The following MCOLN2 variants were observed in gnomAD, a reference collection of about 807,000 sequenced individuals.
The protein encoded by MCOLN2 is mucolipin TRP cation channel 2.
A neutral mutation model predicts 67.5 loss-of-function variants in MCOLN2; 57 were observed. That is an observed-to-expected ratio of 0.84 (90% CI 0.68 to 1.05). The LOEUF (loss-of-function observed/expected upper bound fraction) is 1.05, where lower values mean the gene tolerates loss of function less well. Ranked by LOEUF, MCOLN2 falls within the 50% of genes least tolerant of loss-of-function variation. MCOLN2 has a pLI of 0.00. For synonymous variants in MCOLN2, 246 were observed against 233.3 expected (o/e 1.05, Z -0.50); for missense variants, 620 against 678.8 (o/e 0.91, Z 0.96).
At chr1:84,954,064 C>T (rs182576133) in intron 4 of MCOLN2, among the ~76,000 whole-genome samples, 1 of 152,346 alleles carries the variant, frequency 6.6e-6, no homozygotes, top group Admixed American at 6.5e-5. Flanking sequence ...ATCCTTCCAA[C>T]TAGAGTATAA....
Position 84,938,004 on chromosome 1 carries a change from G to C in MCOLN2, c.1189C>G (p.Leu397Val). Residue 397 changes from leucine (L) to valine (V), a missense_variant, in exon 10 of 14, where the codon CTG (leucine) becomes GTG (valine). Coordinates refer to ENST00000370608, the MANE Select transcript of MCOLN2 (RefSeq NM_153259.4). Reference protein sequence around the residue: ...LLVWVGVIRYLGYFQAYNVLI... With the variant: ...LLVWVGVIRYVGYFQAYNVLI... The stretch of plus-strand genomic sequence containing the variant: ...ACATTATATGCCTGGAAATAACCCA[G>C]GTATCTGATGACTCCAACCCAAACC... 1 of 1,613,958 alleles carries C rather than the reference G, an allele frequency of 6.2e-7. No homozygotes were observed. The highest frequency in any genetic ancestry group is 1.1e-5 in the South Asian group (1 of 91,074).
chr1:84,951,476 C>T (rs567837994), intron 6 of MCOLN2, among the ~76,000 whole-genome samples: 2 of 152,250 alleles, frequency 1.3e-5, no homozygotes, highest in South Asian at 2.1e-4. Context: ...TATACATGCC[C>T]CCTCCCAAAA....
At position 84,931,485 on chromosome 1, in the gene MCOLN2, C is replaced by T; in HGVS notation, c.1419G>A (p.Gln473=). 6.2e-7 allele frequency: 1 copy of T among 1,614,000 alleles called. No homozygotes were observed. The highest frequency in any genetic ancestry group is 8.5e-7 in the Non-Finnish European group (1 of 1,179,938). The part of the protein sequence containing the change: ...DDMFATFAQI[Q]QKSILVWLFS... ...ACAGCCACACCAAGATGCTCTTCTG[C>T]TGGATTTGGGCAAAGGTTGCAAACA... The change falls in exon 12 of 14, where the codon CAG becomes CAA. Residue 473 remains glutamine, a synonymous_variant. Transcript: ENST00000370608.
chr1:84,952,526 A>G lies in MCOLN2; in HGVS notation c.570T>C (p.Cys190=), dbSNP rs770288061. ...AGAGGTCCTGAAGGTCTAATTGAACACAATCTAGGGCAATGAAAGAACAAG... is the reference window on the plus strand; with the variant it reads ...AGAGGTCCTGAAGGTCTAATTGAACGCAATCTAGGGCAATGAAAGAACAAG... The part of the protein sequence containing the change: ...LNIDNDVELD[C]VQLDLQDLSK... Residue 190 remains cysteine, a synonymous_variant, in exon 5 of 14, where the codon TGT becomes TGC. Coordinates refer to ENST00000370608, the MANE Select transcript of MCOLN2 (RefSeq NM_153259.4). 2 of 1,604,500 alleles carry G rather than the reference A, an allele frequency of 1.2e-6. No individual in the cohort carries two copies. Among genetic ancestry groups the G allele is most frequent in the African/African-American group, 1.3e-5 (1 of 74,840 alleles).
chr1:84,945,401 G>A (rs1465235320), intron 7 of MCOLN2, among the ~76,000 whole-genome samples: 1 of 152,182 alleles, frequency 6.6e-6, no homozygotes, highest in Admixed American at 6.5e-5. Flanking sequence ...TGTATGCTGG[G>A]GAATAGTAAC....
chr1:84,996,372 C>T (rs1331745305), intron 1 of MCOLN2, among the ~76,000 whole-genome samples: 1 of 135,906 alleles, frequency 7.4e-6, no homozygotes, highest in African/African-American at 2.8e-5. Flanking sequence ...GACACACACA[C>T]TTACACATAC....
At chr1:84,954,810 C>G (rs615161) in intron 4 of MCOLN2, among the ~76,000 whole-genome samples, 1 of 152,008 alleles carries the variant, frequency 6.6e-6, no homozygotes, top group Non-Finnish European at 1.5e-5. Flanking sequence ...ATGAACAAGA[C>G]AGACATGGTT....
At chr1:84,929,925 G>GTT (rs771724580) in intron 12 of MCOLN2, 1 of 233,836 alleles carries the variant, frequency 4.3e-6, no homozygotes, top group African/African-American at 2.5e-5. Flanking sequence ...CCAGGGAGAG[G>GTT]TTTTTTTTAA....
chr1:84,985,261 A>G (rs1650449666), intron 1 of MCOLN2, among the ~76,000 whole-genome samples: 1 of 152,056 alleles, frequency 6.6e-6, no homozygotes, highest in African/African-American at 2.4e-5. Flanking sequence ...TCTAATAAAC[A>G]CTTTTCAGGC....
intron 1 of MCOLN2, among the ~76,000 whole-genome samples, chr1:84,977,076 C>CA (rs1649289813): frequency 6.6e-6 from 1 of 151,526 alleles, no homozygotes; most frequent in African/African-American, 2.4e-5. Flanking sequence ...ATATAAACAA[C>CA]AAAAAGTTTA....
intron 1 of MCOLN2, among the ~76,000 whole-genome samples, chr1:84,972,284 G>T (rs1214645568): frequency 6.6e-6 from 1 of 152,118 alleles, no homozygotes; most frequent in Non-Finnish European, 1.5e-5. Context: ...TCATGCAATT[G>T]AAATTGCATG....
At chr1:84,975,530 C>T (rs1649952883) in intron 1 of MCOLN2, among the ~76,000 whole-genome samples, 1 of 152,164 alleles carries the variant, frequency 6.6e-6, no homozygotes, top group Non-Finnish European at 1.5e-5. Context: ...CAAGTCCTTT[C>T]AAATATCTGG....
intron 1 of MCOLN2, among the ~76,000 whole-genome samples, chr1:84,980,032 T>C (rs556220748): frequency 1.1e-4 from 17 of 151,990 alleles, no homozygotes; most frequent in African/African-American, 4.1e-4. Context: ...TGTGCAAGAG[T>C]AAGCAATCTG....
At chr1:84,948,175 AC>A (rs1341389838) in intron 6 of MCOLN2, among the ~76,000 whole-genome samples, 5 of 152,136 alleles carry the variant, frequency 3.3e-5, no homozygotes, top group Admixed American at 3.3e-4. Context: ...AATTGCCCCT[AC>A]CCAGTTGAAG....
intron 1 of MCOLN2, among the ~76,000 whole-genome samples, chr1:84,989,320 A>G (rs2102890911): frequency 6.6e-6 from 1 of 152,320 alleles, no homozygotes; most frequent in East Asian, 1.9e-4. Flanking sequence ...AGAAAGTCTA[A>G]AATATTAGTA....
At chr1:84,996,393 CAT>C (rs6143310) in intron 1 of MCOLN2, among the ~76,000 whole-genome samples, 4,698 of 122,470 alleles carry the variant, frequency 0.038, 111 homozygotes, top group East Asian at 0.065. Context: ...GTATATATTT[CAT>C]ATATATATAT....
Position 84,931,578 on chromosome 1 carries a change from G to A in MCOLN2, c.1336-10C>T, listed in dbSNP as rs1647198257. The stretch of plus-strand genomic sequence containing the variant: ...TGTTCAGATTTTCAAACTGTAGGGG[G>A]AAATAAAAACTAGTTTCTGAAATAG... On this transcript the variant is annotated splice_polypyrimidine_tract_variant and intron_variant, in intron 11 of 13. Transcript: ENST00000370608. 6.2e-7 allele frequency: 1 copy of A among 1,606,870 alleles called. No homozygotes were observed. Among genetic ancestry groups the A allele is most frequent in the Non-Finnish European group, 8.5e-7 (1 of 1,175,294 alleles).
Position 84,997,062 on chromosome 1 carries a change from A to T in MCOLN2, c.-190T>A, listed in dbSNP as rs1651195854. The T allele has an allele frequency of 1.7e-6, 1 of 601,948 alleles. No homozygotes were observed. The highest frequency in any genetic ancestry group is 2.8e-5 in the East Asian group (1 of 35,472). The allele number at this position is 601,948 out of a possible 1,614,324, so 37.3% of individuals were successfully genotyped here. ...ACCCCGGCCCGAGAGCAGGCGCCGCAGTCGTGGAGTGCGGCGGGCAGTTCT... is the reference window on the plus strand; with the variant it reads ...ACCCCGGCCCGAGAGCAGGCGCCGCTGTCGTGGAGTGCGGCGGGCAGTTCT... On this transcript the variant is annotated 5_prime_UTR_variant, in exon 1 of 14. Transcript: ENST00000370608.
chr1:84,943,407 G>A (rs763998943), intron 7 of MCOLN2, among the ~76,000 whole-genome samples: 10 of 152,060 alleles, frequency 6.6e-5, no homozygotes, highest in Non-Finnish European at 1.5e-4. Flanking sequence ...GGACAGCGTC[G>A]GGGATGGGGA....
Sources: allele counts gnomAD v4.1 joint callset (sites outside exome capture counted in the v4.1 genomes callset), GRCh38; gene constraint gnomAD v4.1.1; transcripts MANE v1.5; gene names NCBI Gene and HGNC (gene_info 2026-07-23, HGNC 2026-07-21).